SAV1: variants seen among roughly 807,000 people sequenced by gnomAD.
SAV1 encodes the protein salvador family WW domain containing protein 1.
Under a neutral mutation model 47.3 loss-of-function variants are expected in SAV1, and 23 were observed. That is an observed-to-expected ratio of 0.49 (90% CI 0.35 to 0.69). The LOEUF (loss-of-function observed/expected upper bound fraction) is 0.69. SAV1 is among the 30% of genes least tolerant of loss of function. SAV1 has a pLI of 0.01. For synonymous variants in SAV1, 155 were observed against 159.2 expected (o/e 0.97, Z 0.20); for missense variants, 448 against 457.4 (o/e 0.98, Z 0.19).
intron 2 of SAV1, among the ~76,000 whole-genome samples, chr14:50,656,285 C>T (rs978223528): frequency 2.0e-5 from 3 of 152,082 alleles, no homozygotes; most frequent in Admixed American, 6.6e-5. Flanking sequence ...TAAAGCCTGA[C>T]AATTTGATAA....
intron 3 of SAV1, among the ~76,000 whole-genome samples, chr14:50,642,460 G>T (rs138357468): frequency 6.7e-6 from 1 of 148,620 alleles, no homozygotes; most frequent in Non-Finnish European, 1.5e-5. Flanking sequence ...CTGCACTCCA[G>T]CCTTGGCAAC....
chr14:50,663,410 C>G (rs556216634), intron 2 of SAV1, among the ~76,000 whole-genome samples: 2 of 152,188 alleles, frequency 1.3e-5, no homozygotes, highest in African/African-American at 4.8e-5. Context: ...AGGTTCAGAA[C>G]TGCATATCAG....
chr14:50,666,618 G>A (rs1426180963), intron 1 of SAV1, among the ~76,000 whole-genome samples: 1 of 152,068 alleles, frequency 6.6e-6, no homozygotes, highest in African/African-American at 2.4e-5. Flanking sequence ...AAAACTGCAC[G>A]TTCTACACAT....
At chr14:50,651,022 CAA>C (rs553896878) in intron 2 of SAV1, among the ~76,000 whole-genome samples, 27 of 126,868 alleles carry the variant, frequency 2.1e-4, no homozygotes, top group African/African-American at 1.8e-4. Flanking sequence ...ACTCTGTCTC[CAA>C]AAAAAAAAAA....
chr14:50,649,278 A>G (rs2140254760), intron 2 of SAV1, among the ~76,000 whole-genome samples: 1 of 152,306 alleles, frequency 6.6e-6, no homozygotes, highest in South Asian at 2.1e-4. Flanking sequence ...TAACCTTTTA[A>G]CTTATGTAAT....
intron 2 of SAV1, among the ~76,000 whole-genome samples, chr14:50,662,229 C>T (rs8011547): frequency 0.25 from 38,369 of 151,946 alleles, 5,574 homozygotes; most frequent in South Asian, 0.35. Flanking sequence ...AGTGCAGTGG[C>T]GCAATCTCAG....
In SAV1 at chr14:50,635,285, A is replaced by T. The variant is rs1366119333; in HGVS notation, c.1050T>A (p.Ile350=). The change falls in exon 5 of 5, where the codon ATT becomes ATA. Residue 350 remains isoleucine (I), a synonymous_variant. Transcript: ENST00000324679. ...KLLFMKELEQ[I]VKMYEAYRQA... ...GTCTGTATGCTTCATACATTTTAACAATCTGCTCCAATTCTTTCATGAAGA... is the reference window on the plus strand; with the variant it reads ...GTCTGTATGCTTCATACATTTTAACTATCTGCTCCAATTCTTTCATGAAGA... 6 of 1,614,122 alleles carry T rather than the reference A, an allele frequency of 3.7e-6. 1 individual carries two copies. Among genetic ancestry groups the T allele is most frequent in the African/African-American group, 2.7e-5 (2 of 75,038 alleles).
In SAV1 at chr14:50,665,590, G is replaced by C; in HGVS notation, c.124C>G (p.Pro42Ala). 1 of 1,612,024 alleles carries C rather than the reference G, an allele frequency of 6.2e-7. No individual in the cohort carries two copies. Among genetic ancestry groups the C allele is most frequent in the Non-Finnish European group, 8.5e-7 (1 of 1,178,922 alleles). The change falls in exon 2 of 5, where the codon CCA (proline) becomes GCA (alanine). Residue 42 changes from proline to alanine, a missense_variant. Physicochemically the swap from Pro to Ala is conservative, Grantham distance 27. Coordinates refer to ENST00000324679, the MANE Select transcript of SAV1 (RefSeq NM_021818.4). ...ATATCAGTTCGTCTTGGAATTGTTGGACCATGCCGGATGAATGAAGGCATA... is the reference window on the plus strand; with the variant it reads ...ATATCAGTTCGTCTTGGAATTGTTGCACCATGCCGGATGAATGAAGGCATA... The part of the protein sequence containing the change: ...NLMPSFIRHG[P>A]TIPRRTDICL...
chr14:50,645,151 T>C (rs910617555), intron 2 of SAV1, 137 bp from the exon 3 acceptor site: 7 of 745,498 alleles, frequency 9.4e-6, no homozygotes, highest in African/African-American at 8.8e-5. Context: ...CCCATTATGA[T>C]GGTTTTCATA....
In SAV1 at chr14:50,644,758, A is replaced by T; in HGVS notation, c.792T>A (p.His264Gln). 3 of 1,613,916 alleles carry T rather than the reference A, an allele frequency of 1.9e-6. No homozygotes were observed. The highest frequency in any genetic ancestry group is 2.5e-6 in the Non-Finnish European group (3 of 1,179,810). ...TGATACTGTACCTAGGAGCACAGGGATGCCTGTATTGGGCCTTCTTATTTG... is the reference window on the plus strand; with the variant it reads ...TGATACTGTACCTAGGAGCACAGGGTTGCCTGTATTGGGCCTTCTTATTTG... ...DHTNKKAQYR[H>Q]PCAPSVPRYD... Residue 264 changes from histidine (H) to glutamine (Q), a missense_variant, in exon 3 of 5, where the codon CAT becomes CAA. Transcript: ENST00000324679.
At chr14:50,645,246 C>T (rs894892280) in intron 2 of SAV1, among the ~76,000 whole-genome samples, 6 of 151,992 alleles carry the variant, frequency 3.9e-5, no homozygotes, top group African/African-American at 1.5e-4. Flanking sequence ...TTGGCTGATG[C>T]TTCCATCAAC....
At position 50,646,419 on chromosome 14, in the gene SAV1, C is replaced by A. The variant is rs1026759884; in HGVS notation, c.536-1405G>T. Among the ~76,000 whole-genome samples, 1,314 of 152,308 alleles carry A rather than the reference C, an allele frequency of 8.6e-3. 14 individuals carry two copies. Among genetic ancestry groups the A allele is most frequent in the African/African-American group, 0.03 (1,231 of 41,552 alleles). ...TAAAAATTCCGGCCGAGCGCAGTGG[C>A]TCACGCCTGTAATCCGAGCACTTTG... On this transcript the variant is annotated intron_variant, in intron 2 of 4. Transcript: ENST00000324679.
chr14:50,649,528 C>A (rs937454141), intron 2 of SAV1, among the ~76,000 whole-genome samples: 1 of 152,156 alleles, frequency 6.6e-6, no homozygotes, highest in African/African-American at 2.4e-5. Context: ...ACTTATTTTG[C>A]CTCTTTCACT....
Position 50,653,070 on chromosome 14 carries a change from C to T in SAV1, c.536-8056G>A, listed in dbSNP as rs369463073. 7.9e-5 allele frequency among the ~76,000 whole-genome samples: 12 copies of T among 151,704 alleles called. No homozygotes were observed. In the East Asian group the frequency reaches 1.6e-3, roughly 20 times the overall value. On this transcript the variant is annotated intron_variant, in intron 2 of 4. Coordinates refer to ENST00000324679, the MANE Select transcript of SAV1 (RefSeq NM_021818.4). ...AAAAAAATGAATTGAAATTGAGGTA[C>T]AATCTACAAAACATTCTGTACTCCT...
chr14:50,649,999 G>A (rs1180319709), intron 2 of SAV1, among the ~76,000 whole-genome samples: 27 of 152,114 alleles, frequency 1.8e-4, no homozygotes, highest in Non-Finnish European at 2.9e-5. Flanking sequence ...AAGGCAAAAT[G>A]AAAACATCAA....
chr14:50,665,842 C>T (rs566999747), intron 1 of SAV1, among the ~76,000 whole-genome samples: 1 of 152,008 alleles, frequency 6.6e-6, no homozygotes, highest in Non-Finnish European at 1.5e-5. Flanking sequence ...ATGGACTATG[C>T]GTAAAAGCTC....
At chr14:50,635,874 T>A (rs1022150044) in intron 4 of SAV1, among the ~76,000 whole-genome samples, 3 of 152,090 alleles carry the variant, frequency 2.0e-5, no homozygotes, top group African/African-American at 4.8e-5. Context: ...CATGCCCAGC[T>A]ACTTCTGTAT....
chr14:50,649,109 G>T (rs1055372632), intron 2 of SAV1, among the ~76,000 whole-genome samples: 1 of 152,102 alleles, frequency 6.6e-6, no homozygotes, highest in African/African-American at 2.4e-5. Flanking sequence ...GGTACTGGCT[G>T]TTTATTCTCC....
chr14:50,640,727 A>G, intron 4 of SAV1, 23 bp downstream of exon 4: 9 of 1,600,178 alleles, frequency 5.6e-6, no homozygotes, highest in Non-Finnish European at 7.7e-6. Flanking sequence ...CCTCAAACAA[A>G]TTTGTGTTGT....
Sources: allele counts gnomAD v4.1 joint callset (sites outside exome capture counted in the v4.1 genomes callset), GRCh38; gene constraint gnomAD v4.1.1; transcripts MANE v1.5; gene names NCBI Gene and HGNC (gene_info 2026-07-23, HGNC 2026-07-21).